Variants in PTPRG observed in about 807,000 individuals in gnomAD.
PTPRG encodes the protein protein tyrosine phosphatase receptor type G.
PTPRG carries 102 observed loss-of-function variants against 165.3 expected under a neutral mutation model. That is an observed-to-expected ratio of 0.62 (90% confidence interval 0.53 to 0.73). The LOEUF (loss-of-function observed/expected upper bound fraction) is 0.73, where lower values mean the gene tolerates loss of function less well. PTPRG is among the 30% of genes least tolerant of loss of function. The pLI, the probability that PTPRG is intolerant of heterozygous loss-of-function variation, is 0.00. For synonymous variants in PTPRG, 675 were observed against 669.5 expected (o/e 1.01, Z -0.13); for missense variants, 1,866 against 1,861.4 (o/e 1.00, Z -0.05).
At chr3:62,146,460 G>A (rs1486973080) in intron 6 of PTPRG, among the ~76,000 whole-genome samples, 2 of 152,056 alleles carry the variant, frequency 1.3e-5, no homozygotes, top group African/African-American at 4.8e-5. Context: ...TCATGCCATA[G>A]TATGGGCCCC....
rs192867462 is a variant in PTPRG, at chr3:61,815,566, A to C, written c.190+66584A>C. 3.2e-3 allele frequency among the ~76,000 whole-genome samples: 491 copies of C among 152,244 alleles called. 1 individual carries two copies. The highest frequency in any genetic ancestry group is 0.011 in the African/African-American group (474 of 41,540). Reference sequence around the variant, plus strand: ...TCATTTGATCTAATCAGAGAATACGAGGTTATATATTGACAAGATTGTAGG... The same window carrying C: ...TCATTTGATCTAATCAGAGAATACGCGGTTATATATTGACAAGATTGTAGG... On this transcript the variant is annotated intron_variant, in intron 2 of 29. Transcript: ENST00000474889.
intron 2 of PTPRG, among the ~76,000 whole-genome samples, chr3:61,908,704 A>G (rs1376539079): frequency 6.6e-6 from 1 of 152,218 alleles, no homozygotes; most frequent in East Asian, 1.9e-4. Flanking sequence ...TTAAGGAGAC[A>G]TAATGAGAAT....
chr3:62,231,077 A>G (rs1446771398), intron 13 of PTPRG, 148 bp from the exon 14 acceptor site: 1 of 509,498 alleles, frequency 2.0e-6, no homozygotes, highest in African/African-American at 2.0e-5. Context: ...GTGCATAAGC[A>G]TCCTCTTTTG....
At chr3:61,719,661 T>C (rs945739197) in intron 1 of PTPRG, among the ~76,000 whole-genome samples, 5 of 152,152 alleles carry the variant, frequency 3.3e-5, no homozygotes, top group African/African-American at 1.2e-4. Context: ...TCCTGTTTCT[T>C]CCTCCCAGAA....
intron 2 of PTPRG, among the ~76,000 whole-genome samples, chr3:61,802,041 GAC>G (rs2035264308): frequency 7.7e-6 from 1 of 129,956 alleles, no homozygotes; most frequent in Non-Finnish European, 1.7e-5. Flanking sequence ...AAAAAAAAAA[GAC>G]TCAGTGTTTC....
At chr3:61,801,311 ATTT>A (rs745926597) in intron 2 of PTPRG, among the ~76,000 whole-genome samples, 2 of 141,062 alleles carry the variant, frequency 1.4e-5, no homozygotes, top group African/African-American at 5.2e-5. Context: ...TGTGTGTGTA[ATTT>A]TTTTTTTTTT....
chr3:62,132,984 T>C lies in PTPRG; in HGVS notation c.682+316T>C, dbSNP rs569354996. On this transcript the variant is annotated intron_variant, in intron 6 of 29. Transcript: ENST00000474889. ...ATTTGTTTCATATCTCTCCTAAAAA[T>C]ATTCTTTCAGTTGTCTTTTCACCTA... Among the ~76,000 whole-genome samples the C allele has an allele frequency of 9.2e-5, 14 of 152,352 alleles. No individual in the cohort carries two copies. The East Asian group carries it at 2.7e-3, about 29-fold the overall frequency.
chr3:61,755,649 G>T (rs1015285256), intron 2 of PTPRG, among the ~76,000 whole-genome samples: 4 of 152,230 alleles, frequency 2.6e-5, no homozygotes, highest in Admixed American at 6.5e-5. Flanking sequence ...TTCAAAGACA[G>T]GCAGGTGTTT....
At chr3:61,973,745 A>G (rs935941296) in intron 2 of PTPRG, among the ~76,000 whole-genome samples, 21 of 152,036 alleles carry the variant, frequency 1.4e-4, no homozygotes, top group Admixed American at 1.1e-3. Context: ...GGCAGGGAGA[A>G]TTGCTTGAAC....
intron 5 of PTPRG, among the ~76,000 whole-genome samples, chr3:62,109,862 T>C (rs1476772683): frequency 6.6e-6 from 1 of 152,202 alleles, no homozygotes; most frequent in Non-Finnish European, 1.5e-5. Flanking sequence ...CTTCTGGGTA[T>C]GTGCTGGTCC....
intron 4 of PTPRG, among the ~76,000 whole-genome samples, chr3:62,006,448 G>T (rs140004234): frequency 6.6e-6 from 1 of 151,960 alleles, no homozygotes; most frequent in Middle Eastern, 3.2e-3. Flanking sequence ...AGCATCTTAC[G>T]CTTGGTTTAT....
intron 14 of PTPRG, chr3:62,243,594 C>T (rs867918258): frequency 1.3e-4 from 54 of 425,792 alleles, no homozygotes; most frequent in South Asian, 5.7e-4. Context: ...AGTTTGGATG[C>T]GGTGATGATA....
intron 1 of PTPRG, among the ~76,000 whole-genome samples, chr3:61,703,788 A>T (rs2031105403): frequency 6.6e-6 from 1 of 152,172 alleles, no homozygotes; most frequent in Admixed American, 6.5e-5. Flanking sequence ...TATAAAGGAA[A>T]TTCCCAATTC....
chr3:62,259,476 T>C (rs1470324802), intron 16 of PTPRG, among the ~76,000 whole-genome samples: 3 of 152,232 alleles, frequency 2.0e-5, no homozygotes. Flanking sequence ...TTCAAAGCCA[T>C]CCTGGGCCGC....
chr3:61,736,770 A>G lies in PTPRG; in HGVS notation c.86-12108A>G, dbSNP rs138435218. Among the ~76,000 whole-genome samples, 1,036 of 152,238 alleles carry G rather than the reference A, an allele frequency of 6.8e-3. 10 individuals carry two copies. The highest frequency in any genetic ancestry group is 0.011 in the Non-Finnish European group (750 of 68,020). Reference sequence around the variant, plus strand: ...TTCTGCTCTTGCCCGCCTCCCTCCAATCTGTTCCCTGCCCAGCAGAGTTGT... The same window carrying G: ...TTCTGCTCTTGCCCGCCTCCCTCCAGTCTGTTCCCTGCCCAGCAGAGTTGT... On this transcript the variant is annotated intron_variant, in intron 1 of 29. Transcript: ENST00000474889.
At position 62,016,331 on chromosome 3, in the gene PTPRG, G is replaced by A. The variant is rs112307331; in HGVS notation, c.519+12834G>A. On this transcript the variant is annotated intron_variant, in intron 4 of 29. Coordinates refer to ENST00000474889, the MANE Select transcript of PTPRG (RefSeq NM_002841.4). ...TACAGGTGCTTCTACTATGCCCAGC[G>A]AATTTTTTGTATTTTTAGTAGAGAC... is the stretch of plus-strand genomic sequence containing the variant. Among the ~76,000 whole-genome samples the A allele has an allele frequency of 8.3e-3, 1,264 of 151,986 alleles. 17 individuals are homozygous for A. The highest frequency in any genetic ancestry group is 0.029 in the African/African-American group (1,203 of 41,460).
At chr3:61,847,899 C>T (rs1204163469) in intron 2 of PTPRG, among the ~76,000 whole-genome samples, 1 of 152,238 alleles carries the variant, frequency 6.6e-6, no homozygotes, top group Non-Finnish European at 1.5e-5. Flanking sequence ...CTGTTAAACT[C>T]TTACATAATT....
At chr3:61,641,662 T>C (rs1702065877) in intron 1 of PTPRG, among the ~76,000 whole-genome samples, 1 of 152,168 alleles carries the variant, frequency 6.6e-6, no homozygotes. Context: ...TCATTACATA[T>C]ATAGAAACCT....
rs867053432 is a variant in PTPRG, at chr3:62,124,303, C to T, written c.616-8299C>T. On this transcript the variant is annotated intron_variant, in intron 5 of 29. Transcript: ENST00000474889. ...TGATGTCCGTGTTGAGGGTGGTCAG[C>T]GGCATCCTGGATGCCTGGTTCTGCC... 9.4e-6 allele frequency: 15 copies of T among 1,599,196 alleles called. No individual in the cohort carries two copies. In the Middle Eastern group the frequency reaches 5.0e-4, roughly 53 times the overall value.
Sources: allele counts gnomAD v4.1 joint callset (sites outside exome capture counted in the v4.1 genomes callset), GRCh38; gene constraint gnomAD v4.1.1; transcripts MANE v1.5; gene names NCBI Gene and HGNC (gene_info 2026-07-23, HGNC 2026-07-21).